Variants in NELL1 observed in about 807,000 individuals in gnomAD.
NELL1 encodes protein kinase C-binding protein NELL1.
NELL1 carries 76 observed loss-of-function variants against 107.4 expected under a neutral mutation model. The ratio of observed to expected loss-of-function variants is 0.71; its 90% confidence interval spans 0.59 to 0.86. The LOEUF (loss-of-function observed/expected upper bound fraction) is 0.86, where lower values mean the gene tolerates loss of function less well. Ranked by LOEUF, NELL1 falls within the 40% of genes least tolerant of loss-of-function variation. The probability of loss-of-function intolerance (pLI) is 0.00; values close to 1 mark genes in which losing one functional copy is unlikely to be tolerated. For missense variants in NELL1, 1,024 were observed against 1,005.5 expected, an observed-to-expected ratio of 1.02 and a Z score of -0.25; for synonymous variants, 353 against 341.2, an observed-to-expected ratio of 1.03 and a Z score of -0.38.
intron 2 of NELL1, among the ~76,000 whole-genome samples, chr11:20,750,865 G>A (rs1856117269): frequency 6.6e-6 from 1 of 152,140 alleles, no homozygotes; most frequent in African/African-American, 2.4e-5. Context: ...TGGGATTACA[G>A]GCGTGAGACA....
At chr11:21,363,270 A>G (rs1221855322) in intron 14 of NELL1, among the ~76,000 whole-genome samples, 2 of 152,174 alleles carry the variant, frequency 1.3e-5, no homozygotes, top group Non-Finnish European at 2.9e-5. Flanking sequence ...GGCTGGGAGT[A>G]TGTTCAAGGT....
chr11:20,818,406 C>CTTTTTTTTTTTTT (rs57318040), intron 3 of NELL1, among the ~76,000 whole-genome samples: 2 of 108,730 alleles, frequency 1.8e-5, no homozygotes, highest in African/African-American at 3.3e-5. Context: ...GCAACCCCTG[C>CTTTTTTTTTTTTT]TTTTTTTTTT....
intron 2 of NELL1, among the ~76,000 whole-genome samples, chr11:20,749,780 C>T (rs746704653): frequency 1.2e-4 from 19 of 152,090 alleles, no homozygotes; most frequent in Non-Finnish European, 2.6e-4. Flanking sequence ...CACTATTTAG[C>T]TTTGCCTGTC....
intron 14 of NELL1, among the ~76,000 whole-genome samples, chr11:21,295,595 G>A (rs1036416197): frequency 1.3e-5 from 2 of 152,022 alleles, no homozygotes; most frequent in African/African-American, 2.4e-5. Context: ...CATTACAGCA[G>A]TTGCGAAAAG....
intron 3 of NELL1, among the ~76,000 whole-genome samples, chr11:20,819,517 T>G (rs1296017554): frequency 6.6e-6 from 1 of 152,232 alleles, no homozygotes; most frequent in Non-Finnish European, 1.5e-5. Context: ...TTGTCAAGAT[T>G]CAGAGGCAGA....
intron 13 of NELL1, among the ~76,000 whole-genome samples, chr11:21,214,871 ATAT>A (rs1349521209): frequency 6.6e-6 from 1 of 152,186 alleles, no homozygotes; most frequent in Non-Finnish European, 1.5e-5. Context: ...ACATGAGATA[ATAT>A]TGCATAGAAC....
At chr11:21,207,107 A>C (rs7944864) in intron 13 of NELL1, among the ~76,000 whole-genome samples, 13,005 of 152,278 alleles carry the variant, frequency 0.085, 905 homozygotes, top group East Asian at 0.27. Context: ...ATTGGACCAC[A>C]GTTAAGCTCT....
chr11:20,734,803 G>A (rs1203292657), intron 2 of NELL1, among the ~76,000 whole-genome samples: 1 of 152,134 alleles, frequency 6.6e-6, no homozygotes, highest in Non-Finnish European at 1.5e-5. Flanking sequence ...AGGCCAAGGT[G>A]GTGATAAGAT....
intron 15 of NELL1, among the ~76,000 whole-genome samples, chr11:21,415,361 G>T (rs1437854832): frequency 2.0e-5 from 3 of 152,040 alleles, no homozygotes; most frequent in Non-Finnish European, 4.4e-5. Flanking sequence ...TTTAGGCAGG[G>T]TAGGGTAAAT....
intron 14 of NELL1, among the ~76,000 whole-genome samples, chr11:21,359,517 T>C (rs1050596148): frequency 1.3e-5 from 2 of 152,174 alleles, no homozygotes; most frequent in Non-Finnish European, 2.9e-5. Flanking sequence ...ACTGGCTTCA[T>C]AAAATAATTT....
intron 2 of NELL1, among the ~76,000 whole-genome samples, chr11:20,694,180 A>G (rs1363847237): frequency 1.3e-5 from 2 of 151,980 alleles, no homozygotes; most frequent in Non-Finnish European, 2.9e-5. Flanking sequence ...CTAGTTATAC[A>G]TTCGTCTAAA....
intron 14 of NELL1, among the ~76,000 whole-genome samples, chr11:21,356,541 A>G (rs1262153118): frequency 6.6e-6 from 1 of 152,190 alleles, no homozygotes; most frequent in Non-Finnish European, 1.5e-5. Flanking sequence ...AATGGGGGGC[A>G]TTGTCCTCCG....
intron 15 of NELL1, among the ~76,000 whole-genome samples, chr11:21,497,001 C>T (rs1854997717): frequency 1.3e-5 from 2 of 151,782 alleles, no homozygotes; most frequent in Admixed American, 6.6e-5. Context: ...GTATATGTGC[C>T]ACATTTTCTT....
rs191474376 is a variant in NELL1 at position 21,573,858 on chromosome 11, C to T, written c.2382+449C>T. ...AAAGTTTCTAAGTTCTTTTATTAAA[C>T]TGTCAATGTTAGGGGAAAAAAGTCC... On this transcript the variant is annotated intron_variant, in intron 19 of 19. Transcript: ENST00000357134. 3.1e-3 allele frequency among the ~76,000 whole-genome samples: 464 copies of T among 151,398 alleles called. 5 individuals are homozygous for T. Among genetic ancestry groups the T allele is most frequent in the African/African-American group, 0.01 (417 of 41,054 alleles).
chr11:21,018,338 A>G (rs530927138), intron 12 of NELL1, among the ~76,000 whole-genome samples: 14 of 152,198 alleles, frequency 9.2e-5, no homozygotes, highest in Admixed American at 9.2e-4. Flanking sequence ...AGCCGTGGGA[A>G]TTAGAGGCCA....
intron 12 of NELL1, among the ~76,000 whole-genome samples, chr11:21,111,534 G>A (rs537418249): frequency 5.9e-4 from 90 of 152,190 alleles, no homozygotes; most frequent in African/African-American, 2.1e-3. Flanking sequence ...TCATGCAACA[G>A]GTATATGGTG....
chr11:21,149,499 C>T (rs567985484), intron 13 of NELL1, among the ~76,000 whole-genome samples: 26 of 152,298 alleles, frequency 1.7e-4, no homozygotes, highest in East Asian at 3.9e-4. Context: ...CATCAGATGT[C>T]GTGAGACTTA....
chr11:21,540,570 TG>T lies in NELL1; in HGVS notation c.1786+6060del, dbSNP rs1856267106. On this transcript the variant is annotated intron_variant, in intron 16 of 19. Transcript: ENST00000357134. Reference sequence around the variant, plus strand: ...CTACAGGCTGTACAGGAAGCATGGCTGGGGAGGCCTCAGGAAACTTACAATC... The same window carrying T: ...CTACAGGCTGTACAGGAAGCATGGCTGGGAGGCCTCAGGAAACTTACAATC... Among the ~76,000 whole-genome samples, 3 of 152,158 alleles carry T rather than the reference TG, an allele frequency of 2.0e-5. No individual in the cohort carries two copies. The East Asian group carries it at 5.8e-4, about 29-fold the overall frequency.
At chr11:21,390,388 A>AAAT (rs1223644995) in intron 15 of NELL1, among the ~76,000 whole-genome samples, 1 of 145,782 alleles carries the variant, frequency 6.9e-6, no homozygotes, top group African/African-American at 2.5e-5. Context: ...TAATAATAAT[A>AAAT]AATAATATAT....
Sources: gnomAD v4.1 joint callset for allele counts (sites outside exome capture counted in the v4.1 genomes callset) on GRCh38, gnomAD v4.1.1 for gene constraint, MANE v1.5 for transcripts, NCBI Gene and HGNC (gene_info 2026-07-23, HGNC 2026-07-21) for gene names.